Variants in DDX19B observed in about 807,000 individuals in gnomAD.
DDX19B encodes the protein ATP-dependent RNA helicase DDX19B.
In DDX19B, 27 loss-of-function variants were observed where a neutral mutation model predicts 58.1. That is an observed-to-expected ratio of 0.46 (90% CI 0.34 to 0.64). DDX19B has a LOEUF of 0.64. Among genes scored for constraint, DDX19B ranks in the 30% least tolerant of loss-of-function variants. The pLI, the probability that DDX19B is intolerant of heterozygous loss-of-function variation, is 0.01. For missense variants in DDX19B, 399 were observed against 596.5 expected, an observed-to-expected ratio of 0.67 and a Z score of 3.45; for synonymous variants, 187 against 214.4, an observed-to-expected ratio of 0.87 and a Z score of 1.12.
intron 2 of DDX19B, among the ~76,000 whole-genome samples, chr16:70,314,455 G>A (rs1001503747): frequency 6.6e-6 from 1 of 152,072 alleles, no homozygotes; most frequent in Non-Finnish European, 1.5e-5. Context: ...GAGGTCAAGA[G>A]ATCAAGACCA....
chr16:70,314,855 G>T, intron 2 of DDX19B, 47 bp from the exon 3 acceptor site: 1 of 1,595,038 alleles, frequency 6.3e-7, no homozygotes, highest in South Asian at 1.1e-5. Flanking sequence ...CTCAACTGTT[G>T]GGTATGGGAT....
chr16:70,292,459 A>C (rs925631545), upstream of DDX19B, among the ~76,000 whole-genome samples: 1 of 152,178 alleles, frequency 6.6e-6, no homozygotes, highest in African/African-American at 2.4e-5. Context: ...CTTGTCTCTT[A>C]AAACAAAAAA....
chr16:70,322,891 C>CAAAAA (rs113261271), intron 5 of DDX19B, among the ~76,000 whole-genome samples: 1 of 48,150 alleles, frequency 2.1e-5, no homozygotes, highest in Non-Finnish European at 4.5e-5. Context: ...AACTCCGTTG[C>CAAAAA]AAAAAAAAAA....
At chr16:70,291,685 C>CCTGTAGT (rs1961064394), upstream of DDX19B, among the ~76,000 whole-genome samples, 1 of 152,032 alleles carries the variant, frequency 6.6e-6, no homozygotes, top group Admixed American at 6.6e-5. Flanking sequence ...GTGGCGGGCG[C>CCTGTAGT]CTGTAGTCCC....
At chr16:70,308,699 G>A (rs370197920) in intron 1 of DDX19B, among the ~76,000 whole-genome samples, 12 of 151,984 alleles carry the variant, frequency 7.9e-5, no homozygotes, top group African/African-American at 2.9e-4. Context: ...TCTTTATAGA[G>A]GTGGAGTCTC....
intron 10 of DDX19B, among the ~76,000 whole-genome samples, chr16:70,332,160 T>C (rs1363748310): frequency 2.6e-5 from 4 of 152,136 alleles, no homozygotes; most frequent in African/African-American, 9.7e-5. Flanking sequence ...CTCCAGAACA[T>C]TGTGTCTCCC....
At chr16:70,318,671 C>T (rs1018503892) in intron 5 of DDX19B, among the ~76,000 whole-genome samples, 1 of 151,728 alleles carries the variant, frequency 6.6e-6, no homozygotes, top group African/African-American at 2.4e-5. Context: ...TGGCAGGCGC[C>T]TGTAAACCCA....
intron 8 of DDX19B, 56 bp from the exon 9 acceptor site, chr16:70,329,775 G>A (rs1379064002): frequency 1.2e-6 from 2 of 1,607,872 alleles, no homozygotes; most frequent in Admixed American, 1.7e-5. Context: ...GGAAGGCTGT[G>A]CTTCTGTCGC....
In DDX19B at chr16:70,329,273, C is replaced by T; in HGVS notation, c.608-19C>T. 7.1e-7 allele frequency: 1 copy of T among 1,411,918 alleles called. No homozygotes were observed. Among genetic ancestry groups the T allele is most frequent in the East Asian group, 2.6e-5 (1 of 38,794 alleles). The allele number at this position is 1,411,918 out of a possible 1,614,324, so 87.5% of individuals were successfully genotyped here. On this transcript the variant is annotated intron_variant, in intron 7 of 11. Coordinates refer to ENST00000288071, the MANE Select transcript of DDX19B (RefSeq NM_007242.7). The stretch of plus-strand genomic sequence containing the variant: ...GAAAGAAATACCCACACATGGAAAA[C>T]ATCTTGGGGTCTCCACAGTGGAAAG...
chr16:70,304,111 C>T (rs1961619548), intron 1 of DDX19B, among the ~76,000 whole-genome samples: 1 of 151,784 alleles, frequency 6.6e-6, no homozygotes, highest in Non-Finnish European at 1.5e-5. Context: ...GCAATCTCAG[C>T]TCACTGCAAC....
intron 10 of DDX19B, among the ~76,000 whole-genome samples, chr16:70,332,207 C>A (rs1168368483): frequency 6.6e-6 from 1 of 152,200 alleles, no homozygotes; most frequent in East Asian, 1.9e-4. Flanking sequence ...TTTGTTGGCA[C>A]CTGCCAAAGT....
At chr16:70,315,545 T>C (rs1597479626) in intron 3 of DDX19B, 1 of 158,048 alleles carries the variant, frequency 6.3e-6, no homozygotes, top group East Asian at 1.9e-4. Context: ...AAAATTAAGC[T>C]TAATGTTATT....
At position 70,315,852 on chromosome 16, in the gene DDX19B, T is replaced by C. The variant is rs1962372275; in HGVS notation, c.161-117T>C. 4.4e-6 allele frequency: 6 copies of C among 1,355,894 alleles called. 1 individual carries two copies. The Admixed American group carries it at 1.4e-4, about 32-fold the overall frequency. 84.0% of individuals were successfully genotyped at this position (1,355,894 alleles called of 1,614,324 possible). A position where few individuals can be genotyped will look rare whatever the true frequency, so the allele number is the denominator to read the frequency against. ...TTATAAGTCAAAACTATGACGTACC[T>C]TGAATTTGAATGTTCAGTACATTAT... On this transcript the variant is annotated intron_variant, in intron 3 of 11. Coordinates refer to ENST00000288071, the MANE Select transcript of DDX19B (RefSeq NM_007242.7).
intron 7 of DDX19B, among the ~76,000 whole-genome samples, chr16:70,328,897 G>A (rs985246961): frequency 3.3e-5 from 5 of 151,884 alleles, no homozygotes; most frequent in African/African-American, 1.2e-4. Flanking sequence ...GAATTTCTCA[G>A]AGAGAAGAGC....
chr16:70,315,314 G>A (rs535820655), intron 3 of DDX19B, among the ~76,000 whole-genome samples: 53 of 150,208 alleles, frequency 3.5e-4, no homozygotes, highest in Non-Finnish European at 7.5e-4. Context: ...ATGAACCCGG[G>A]AAGCAGAGCT....
Position 70,299,206 on chromosome 16 carries a change from G to A in DDX19B, c.-92G>A, listed in dbSNP as rs1961346290. ...GGTCTGCAGCCTTGTAGTGGGGCTG[G>A]AGCAGAGCCTGCCGCGAACCCCCGG... On this transcript the variant is annotated 5_prime_UTR_variant, in exon 1 of 12. Transcript: ENST00000288071. 1.5e-5 allele frequency: 22 copies of A among 1,440,148 alleles called. 1 individual carries two copies. The South Asian group carries it at 2.9e-4, about 19-fold the overall frequency. The allele number at this position is 1,440,148 out of a possible 1,614,324, so 89.2% of individuals were successfully genotyped here.
At chr16:70,307,940 A>G (rs1338181727) in intron 1 of DDX19B, among the ~76,000 whole-genome samples, 1 of 148,954 alleles carries the variant, frequency 6.7e-6, no homozygotes, top group Non-Finnish European at 1.5e-5. Context: ...TTATTTATTT[A>G]TGTATTTATT....
rs1963358905 is a variant in DDX19B at position 70,329,406 on chromosome 16, T to G, written c.722T>G (p.Leu241Arg). Residue 241 changes from leucine to arginine, a missense_variant, in exon 8 of 12, where the codon CTG becomes CGG. Leu to Arg is a moderately radical substitution (Grantham distance 102, BLOSUM62 -2). This residue lies in a region of DDX19B where 198 missense variants were observed against 345.9 expected (regional missense o/e 0.57). Transcript: ENST00000288071. Reference protein sequence around the residue: ...IDPKKIKVFVLDEADVMIATQ... With the variant: ...IDPKKIKVFVRDEADVMIATQ... Reference sequence around the variant, plus strand: ...CCCAAGAAAATCAAGGTGTTTGTTCTGGATGAGGCTGATGTCATGATAGCC... The same window carrying G: ...CCCAAGAAAATCAAGGTGTTTGTTCGGGATGAGGCTGATGTCATGATAGCC... 1 of 1,613,908 alleles carries G rather than the reference T, an allele frequency of 6.2e-7. No individual in the cohort carries two copies. Among genetic ancestry groups the G allele is most frequent in the African/African-American group, 1.3e-5 (1 of 74,868 alleles).
intron 7 of DDX19B, among the ~76,000 whole-genome samples, chr16:70,326,594 T>C (rs946877865): frequency 6.6e-6 from 1 of 152,192 alleles, no homozygotes; most frequent in Admixed American, 6.5e-5. Flanking sequence ...TGGAGTACAG[T>C]GGCATGATCT....
Sources: gnomAD v4.1 joint callset for allele counts (sites outside exome capture counted in the v4.1 genomes callset) on GRCh38, gnomAD v4.1.1 for gene constraint, gnomAD v4.1.1 regional missense constraint, MANE v1.5 for transcripts, NCBI Gene and HGNC (gene_info 2026-07-23, HGNC 2026-07-21) for gene names.